The following NSUN3 variants were observed in gnomAD, a reference collection of about 807,000 sequenced individuals.
NSUN3 encodes the protein NOP2/Sun RNA methyltransferase 3.
In NSUN3, 24 loss-of-function variants were observed where a neutral mutation model predicts 36.8. The observed-to-expected ratio is 0.65, with a 90% CI of 0.47 to 0.92. The LOEUF is 0.92. NSUN3 is among the 40% of genes least tolerant of loss of function. The pLI is 0.00. For synonymous variants in NSUN3, 146 were observed against 145.2 expected (o/e 1.01, Z -0.04); for missense variants, 381 against 392.8 (o/e 0.97, Z 0.25).
intron 3 of NSUN3, among the ~76,000 whole-genome samples, chr3:94,089,151 A>G (rs2077304826): frequency 6.6e-6 from 1 of 152,172 alleles, no homozygotes. Flanking sequence ...CATTGCTTCC[A>G]GGTAAGTTTA....
intron 5 of NSUN3, among the ~76,000 whole-genome samples, chr3:94,110,166 G>T (rs201719186): frequency 2.6e-4 from 40 of 152,082 alleles, no homozygotes; most frequent in Admixed American, 1.8e-3. Context: ...CATGAATAAG[G>T]CTTGAGGCCA....
At chr3:94,085,775 C>T (rs1576086914) in intron 3 of NSUN3, among the ~76,000 whole-genome samples, 2 of 152,170 alleles carry the variant, frequency 1.3e-5, no homozygotes, top group South Asian at 2.1e-4. Flanking sequence ...AATTGTGTTA[C>T]AGTTGTTTTA....
At chr3:94,063,454 C>T (rs558400388) in intron 1 of NSUN3, 194 of 355,244 alleles carry the variant, frequency 5.5e-4, no homozygotes, top group Non-Finnish European at 8.5e-4. Flanking sequence ...ATTGAATACA[C>T]GTTTCTTGGA....
At chr3:94,121,400 G>C (rs561400463) in intron 5 of NSUN3, among the ~76,000 whole-genome samples, 2 of 152,256 alleles carry the variant, frequency 1.3e-5, no homozygotes, top group South Asian at 4.1e-4. Flanking sequence ...GGATAATCCA[G>C]GATAATCTCC....
chr3:94,105,476 G>C (rs1456387623), intron 5 of NSUN3, among the ~76,000 whole-genome samples: 6 of 152,040 alleles, frequency 3.9e-5, no homozygotes. Context: ...TTTTAGTCTG[G>C]CTACTGCAGG....
intron 5 of NSUN3, among the ~76,000 whole-genome samples, chr3:94,098,309 A>G (rs1003400594): frequency 6.6e-6 from 1 of 152,096 alleles, no homozygotes; most frequent in African/African-American, 2.4e-5. Context: ...TTGTCACCTA[A>G]ATGATTTTAA....
intron 2 of NSUN3, among the ~76,000 whole-genome samples, chr3:94,070,783 G>T (rs930065533): frequency 1.3e-5 from 2 of 152,276 alleles, no homozygotes; most frequent in African/African-American, 4.8e-5. Flanking sequence ...GAAACTATTG[G>T]AGTGTCAGTG....
intron 2 of NSUN3, among the ~76,000 whole-genome samples, chr3:94,082,675 A>G (rs1306594934): frequency 1.3e-5 from 2 of 152,204 alleles, no homozygotes; most frequent in Non-Finnish European, 2.9e-5. Context: ...TAACTCAGCT[A>G]GAAAGGTCGG....
chr3:94,087,843 AT>A (rs2077298634), intron 3 of NSUN3, among the ~76,000 whole-genome samples: 2 of 151,982 alleles, frequency 1.3e-5, no homozygotes, highest in South Asian at 4.2e-4. Context: ...TAATTTTTGT[AT>A]TTTTTGTAGA....
intron 3 of NSUN3, among the ~76,000 whole-genome samples, chr3:94,088,394 C>A (rs140430692): frequency 1.4e-3 from 212 of 152,200 alleles, no homozygotes; most frequent in Middle Eastern, 6.8e-3. Context: ...ATAAATCTTT[C>A]TAAAATCCTA....
chr3:94,072,205 C>A (rs1032879016), intron 2 of NSUN3, among the ~76,000 whole-genome samples: 1 of 152,136 alleles, frequency 6.6e-6, no homozygotes, highest in East Asian at 1.9e-4. Context: ...GGGTAAAATT[C>A]TCTTTCTTGC....
At chr3:94,116,681 G>T (rs796856461) in intron 5 of NSUN3, among the ~76,000 whole-genome samples, 12 of 152,224 alleles carry the variant, frequency 7.9e-5, no homozygotes, top group African/African-American at 2.4e-4. Flanking sequence ...AGAAGATATT[G>T]TATATAGTTT....
At chr3:94,109,773 G>C (rs1437408719) in intron 5 of NSUN3, among the ~76,000 whole-genome samples, 1 of 152,180 alleles carries the variant, frequency 6.6e-6, no homozygotes, top group African/African-American at 2.4e-5. Flanking sequence ...TTGAGCCACT[G>C]GATGTGTAAC....
At chr3:94,120,117 T>C (rs1172411517) in intron 5 of NSUN3, among the ~76,000 whole-genome samples, 1 of 152,250 alleles carries the variant, frequency 6.6e-6, no homozygotes, top group Non-Finnish European at 1.5e-5. Flanking sequence ...AAAAGAATCA[T>C]ACTTACTTGA....
Position 94,084,087 on chromosome 3 carries a change from T to G in NSUN3, c.123-20T>G. The G allele has an allele frequency of 1.3e-6, 2 of 1,552,788 alleles. No homozygotes were observed. The highest frequency in any genetic ancestry group is 1.8e-6 in the Non-Finnish European group (2 of 1,128,948). On this transcript the variant is annotated intron_variant, in intron 2 of 5. Coordinates refer to ENST00000314622, the MANE Select transcript of NSUN3 (RefSeq NM_022072.5). Reference sequence around the variant, plus strand: ...TGTATCATATTAATATTCTCTTATTTTCTCTTTTTCTATTTCTAGGGAGAT... The same window carrying G: ...TGTATCATATTAATATTCTCTTATTGTCTCTTTTTCTATTTCTAGGGAGAT...
chr3:94,076,974 G>A (rs1164974658), intron 2 of NSUN3: 5 of 962,372 alleles, frequency 5.2e-6, no homozygotes, highest in Non-Finnish European at 8.5e-6. Context: ...GTGTACCCAG[G>A]ACAAGTCGAT....
chr3:94,090,257 A>T (rs191741478), intron 3 of NSUN3, among the ~76,000 whole-genome samples: 1 of 152,180 alleles, frequency 6.6e-6, no homozygotes. Context: ...AATTGTCTCA[A>T]TGTAGTAAGT....
At chr3:94,098,363 T>C (rs1466432663) in intron 5 of NSUN3, among the ~76,000 whole-genome samples, 1 of 152,200 alleles carries the variant, frequency 6.6e-6, no homozygotes, top group Non-Finnish European at 1.5e-5. Context: ...TGAGCCATAC[T>C]GCTTGATTCT....
intron 5 of NSUN3, among the ~76,000 whole-genome samples, chr3:94,105,878 T>G: frequency 9.4e-6 from 1 of 106,760 alleles, no homozygotes; most frequent in African/African-American, 5.1e-5. Flanking sequence ...TCTTGAAGGC[T>G]TTTCTTTTTT....
Sources: allele counts gnomAD v4.1 joint callset (sites outside exome capture counted in the v4.1 genomes callset), GRCh38; gene constraint gnomAD v4.1.1; transcripts MANE v1.5; gene names NCBI Gene and HGNC (gene_info 2026-07-23, HGNC 2026-07-21).